Variants in WWC2 observed in about 807,000 individuals in gnomAD.
WWC2 encodes protein WWC2.
WWC2 carries 101 observed loss-of-function variants against 138.5 expected under a neutral mutation model. That is an observed-to-expected ratio of 0.73 (90% CI 0.62 to 0.86). The LOEUF (loss-of-function observed/expected upper bound fraction) is 0.86. Among genes scored for constraint, WWC2 ranks in the 40% least tolerant of loss-of-function variants. The pLI is 0.00. For synonymous variants in WWC2, 558 were observed against 538.4 expected, an observed-to-expected ratio of 1.04 and a Z score of -0.50; for missense variants, 1,420 against 1,419.4, an observed-to-expected ratio of 1.00 and a Z score of -0.01.
At chr4:183,153,089 G>A (rs957562018) in intron 1 of WWC2, among the ~76,000 whole-genome samples, 1 of 152,000 alleles carries the variant, frequency 6.6e-6, no homozygotes, top group Non-Finnish European at 1.5e-5. Flanking sequence ...AGTTTTTGTA[G>A]AGACAGAGTT....
At chr4:183,230,414 C>T (rs1424324692) in intron 4 of WWC2, among the ~76,000 whole-genome samples, 3 of 152,234 alleles carry the variant, frequency 2.0e-5, no homozygotes, top group African/African-American at 7.2e-5. Flanking sequence ...CAGTGGCTCA[C>T]ACCTGTAATC....
chr4:183,135,402 A>G (rs1477240675), intron 1 of WWC2, among the ~76,000 whole-genome samples: 1 of 151,938 alleles, frequency 6.6e-6, no homozygotes, highest in Non-Finnish European at 1.5e-5. Flanking sequence ...TGGCTACCCT[A>G]CAAATGATGA....
At chr4:183,264,389 C>T (rs745768439) in intron 11 of WWC2, among the ~76,000 whole-genome samples, 24 of 152,056 alleles carry the variant, frequency 1.6e-4, no homozygotes, top group African/African-American at 4.1e-4. Flanking sequence ...AATATGAGTT[C>T]GAGATAAAAG....
chr4:183,292,940 A>G (rs1186925179), intron 21 of WWC2, among the ~76,000 whole-genome samples: 1 of 152,298 alleles, frequency 6.6e-6, no homozygotes, highest in Non-Finnish European at 1.5e-5. Flanking sequence ...GAATTGTACA[A>G]AGGTTTTGTT....
intron 4 of WWC2, among the ~76,000 whole-genome samples, chr4:183,238,748 G>A (rs971516840): frequency 1.3e-5 from 2 of 152,090 alleles, no homozygotes; most frequent in African/African-American, 4.8e-5. Flanking sequence ...ACTAAATTAG[G>A]ATCTGTTCTC....
chr4:183,209,914 C>T (rs952539579), intron 4 of WWC2, among the ~76,000 whole-genome samples: 2 of 152,156 alleles, frequency 1.3e-5, no homozygotes, highest in Admixed American at 1.3e-4. Flanking sequence ...ATTAGTTCAC[C>T]TCTCCATTAA....
At chr4:183,214,709 T>C (rs1735703827) in intron 4 of WWC2, among the ~76,000 whole-genome samples, 1 of 151,956 alleles carries the variant, frequency 6.6e-6, no homozygotes, top group Admixed American at 6.6e-5. Flanking sequence ...GGAGAATCTC[T>C]TGAACGTGGG....
chr4:183,253,061 G>C (rs1054292854), intron 8 of WWC2, among the ~76,000 whole-genome samples: 8 of 152,002 alleles, frequency 5.3e-5, no homozygotes, highest in Non-Finnish European at 7.4e-5. Flanking sequence ...AAATATTTTT[G>C]GTAGAGACAG....
At chr4:183,133,163 T>C (rs1303380523) in intron 1 of WWC2, among the ~76,000 whole-genome samples, 1 of 145,446 alleles carries the variant, frequency 6.9e-6, no homozygotes, top group African/African-American at 2.6e-5. Context: ...TTTTTTTTTT[T>C]TTTTTGACCA....
rs534005211 is a variant in WWC2, at chr4:183,101,849, T to C, written c.131+2227T>C. Among the ~76,000 whole-genome samples, 7 of 152,336 alleles carry C rather than the reference T, an allele frequency of 4.6e-5. No individual in the cohort carries two copies. The South Asian group carries it at 1.4e-3, about 32-fold the overall frequency. On this transcript the variant is annotated intron_variant, in intron 1 of 22. Transcript: ENST00000403733. ...ATGGGTCTGCAGTACTTTTGAACTG[T>C]TTAAGCCATTTAATTAGAATGGTCA...
chr4:183,306,277 A>G (rs72703414), intron 21 of WWC2, among the ~76,000 whole-genome samples: 7,877 of 152,322 alleles, frequency 0.052, 234 homozygotes, highest in South Asian at 0.085. Flanking sequence ...ATATTATTCC[A>G]GCTGTTTCAT....
chr4:183,190,962 G>T (rs76633978), intron 1 of WWC2, among the ~76,000 whole-genome samples: 2,032 of 152,192 alleles, frequency 0.013, 48 homozygotes, highest in African/African-American at 0.045. Context: ...TTCTCTTTTG[G>T]CACTTAAACT....
intron 5 of WWC2, among the ~76,000 whole-genome samples, chr4:183,242,067 T>G: frequency 6.6e-6 from 1 of 152,212 alleles, no homozygotes; most frequent in East Asian, 1.9e-4. Context: ...TCTCTTGGAA[T>G]GATTCTAATC....
At chr4:183,216,479 G>A (rs1386241174) in intron 4 of WWC2, among the ~76,000 whole-genome samples, 1 of 152,184 alleles carries the variant, frequency 6.6e-6, no homozygotes, top group African/African-American at 2.4e-5. Context: ...AAAAGATCCA[G>A]CTTACTTCTG....
chr4:183,198,536 A>G, intron 2 of WWC2, among the ~76,000 whole-genome samples: 1 of 152,074 alleles, frequency 6.6e-6, no homozygotes, highest in East Asian at 1.9e-4. Context: ...TATTATATAT[A>G]CTGTTTTATA....
intron 2 of WWC2, among the ~76,000 whole-genome samples, chr4:183,202,933 A>C (rs529009831): frequency 2.4e-4 from 36 of 152,302 alleles, no homozygotes; most frequent in African/African-American, 8.7e-4. Flanking sequence ...ATTTTGCAGT[A>C]TCTCATTTAA....
chr4:183,101,618 T>C (rs939704328), intron 1 of WWC2, among the ~76,000 whole-genome samples: 2 of 152,214 alleles, frequency 1.3e-5, no homozygotes, highest in Admixed American at 1.3e-4. Flanking sequence ...TATATTTTCT[T>C]TTAGGGCAAT....
chr4:183,102,947 G>GT (rs981624978), intron 1 of WWC2, among the ~76,000 whole-genome samples: 3 of 151,500 alleles, frequency 2.0e-5, no homozygotes, highest in African/African-American at 7.3e-5. Context: ...TTTTGGAGGA[G>GT]TAGGGAGCTT....
At chr4:183,119,931 A>G (rs1732547315) in intron 1 of WWC2, among the ~76,000 whole-genome samples, 1 of 152,174 alleles carries the variant, frequency 6.6e-6, no homozygotes, top group African/African-American at 2.4e-5. Context: ...AGTGATAATT[A>G]TATGATTCTT....
Sources: allele counts gnomAD v4.1 joint callset (sites outside exome capture counted in the v4.1 genomes callset), GRCh38; gene constraint gnomAD v4.1.1; transcripts MANE v1.5; gene names NCBI Gene and HGNC (gene_info 2026-07-23, HGNC 2026-07-21).